The following BACH2 variants were observed in gnomAD, a reference collection of about 807,000 sequenced individuals.
BACH2 encodes the protein transcription regulator protein BACH2.
In BACH2, 5 loss-of-function variants were observed where a neutral mutation model predicts 61.8. That is an observed-to-expected ratio of 0.08 (90% CI 0.04 to 0.17). BACH2 has a LOEUF of 0.17. Ranked by LOEUF, BACH2 falls within the 10% of genes least tolerant of loss-of-function variation. The pLI, the probability that BACH2 is intolerant of heterozygous loss-of-function variation, is 1.00. For synonymous variants in BACH2, 446 were observed against 440.1 expected, an observed-to-expected ratio of 1.01 and a Z score of -0.17; for missense variants, 824 against 1,091.1, an observed-to-expected ratio of 0.76 and a Z score of 3.45.
chr6:90,039,471 G>A (rs779464256), intron 5 of BACH2, among the ~76,000 whole-genome samples: 21 of 152,050 alleles, frequency 1.4e-4, no homozygotes, highest in Non-Finnish European at 2.8e-4. Flanking sequence ...TGCAATGTCC[G>A]CGTCCCAGGT....
chr6:90,010,802 T>G (rs998918614), intron 5 of BACH2, among the ~76,000 whole-genome samples: 1 of 152,256 alleles, frequency 6.6e-6, no homozygotes, highest in African/African-American at 2.4e-5. Context: ...CTATCATATT[T>G]CTTTTTGGGT....
chr6:90,296,135 T>A (rs534557032), intron 1 of BACH2, among the ~76,000 whole-genome samples: 1 of 152,022 alleles, frequency 6.6e-6, no homozygotes, highest in South Asian at 2.1e-4. Flanking sequence ...GCCCTCCCCA[T>A]GCCTGACTTA....
chr6:90,234,973 AG>A (rs965070837), intron 3 of BACH2, among the ~76,000 whole-genome samples: 1 of 152,168 alleles, frequency 6.6e-6, no homozygotes, highest in Non-Finnish European at 1.5e-5. Context: ...CTTTGTGAAA[AG>A]TTGCCCCTCC....
intron 4 of BACH2, among the ~76,000 whole-genome samples, chr6:90,142,989 T>A (rs1359612928): frequency 6.6e-6 from 1 of 152,244 alleles, no homozygotes; most frequent in Non-Finnish European, 1.5e-5. Flanking sequence ...GTCACTCTTC[T>A]GGGTGACAGC....
At chr6:90,055,229 A>T (rs1208737168) in intron 5 of BACH2, among the ~76,000 whole-genome samples, 1 of 152,194 alleles carries the variant, frequency 6.6e-6, no homozygotes, top group Admixed American at 6.5e-5. Flanking sequence ...CTTTGAAAAA[A>T]AATTAGACGA....
chr6:90,218,292 C>T (rs1769608927), intron 3 of BACH2: 1 of 152,118 alleles, frequency 6.6e-6, no homozygotes, highest in Non-Finnish European at 1.5e-5. Flanking sequence ...ACACCTTCTT[C>T]TTTTAAACAG....
chr6:90,263,284 T>C (rs55719595), intron 2 of BACH2, among the ~76,000 whole-genome samples: 15,454 of 152,060 alleles, frequency 0.1, 1,093 homozygotes, highest in East Asian at 0.36. Flanking sequence ...AGGAAACACA[T>C]AGTTTCTCAT....
At position 89,951,208 on chromosome 6, in the gene BACH2, C is replaced by T. The variant is rs768727078; in HGVS notation, c.898G>A (p.Ala300Thr). Residue 300 changes from alanine (A) to threonine (T), a missense_variant, in exon 7 of 9, where the codon GCC (alanine) becomes ACC (threonine). Ala to Thr is a moderately conservative substitution (Grantham distance 58, BLOSUM62 0). Transcript: ENST00000257749. This position sits in a 1 kb window ranked among gnomAD's most constrained non-coding sequence, Gnocchi z 6.4. ...TLCLSGDEPD[A>T]KDRAGDVEMD... Reference sequence around the variant, plus strand: ...TCGACATCCCCCGCTCTGTCCTTGGCGTCAGGCTCATCTCCAGACAGGCAG... The same window carrying T: ...TCGACATCCCCCGCTCTGTCCTTGGTGTCAGGCTCATCTCCAGACAGGCAG... 126 of 1,613,858 alleles carry T rather than the reference C, an allele frequency of 7.8e-5. 1 individual carries two copies. The South Asian group carries it at 9.8e-4, about 13-fold the overall frequency.
intron 5 of BACH2, among the ~76,000 whole-genome samples, chr6:90,072,776 A>C (rs570575923): frequency 6.6e-6 from 1 of 152,240 alleles, no homozygotes; most frequent in East Asian, 1.9e-4. Flanking sequence ...TCAGTAAAGA[A>C]CCCTAAACAT....
At chr6:90,293,520 A>T (rs1169092495) in intron 1 of BACH2, among the ~76,000 whole-genome samples, 1 of 152,222 alleles carries the variant, frequency 6.6e-6, no homozygotes, top group Non-Finnish European at 1.5e-5. Flanking sequence ...AGCGCTAATG[A>T]ATAACTAAGT....
intron 5 of BACH2, among the ~76,000 whole-genome samples, chr6:90,049,810 T>A (rs1779951084): frequency 1.3e-5 from 2 of 152,254 alleles, no homozygotes; most frequent in Non-Finnish European, 2.9e-5. Flanking sequence ...GTACTTTTGC[T>A]GCAAACCAAA....
chr6:90,070,748 C>A (rs556502727), intron 5 of BACH2, among the ~76,000 whole-genome samples: 1 of 152,298 alleles, frequency 6.6e-6, no homozygotes, highest in Admixed American at 6.5e-5. Context: ...TTGTTTTGAG[C>A]CCAAATCTCT....
At chr6:90,128,364 C>A (rs1023919339) in intron 4 of BACH2, among the ~76,000 whole-genome samples, 10 of 152,050 alleles carry the variant, frequency 6.6e-5, no homozygotes, top group Non-Finnish European at 1.2e-4. Context: ...GGGTGGATCA[C>A]GAGGTAAAGA....
chr6:90,166,118 A>G lies in BACH2; in HGVS notation c.-162+40451T>C, dbSNP rs1045330685. Among the ~76,000 whole-genome samples, 228 of 152,240 alleles carry G rather than the reference A, an allele frequency of 1.5e-3. 4 individuals are homozygous for G. The highest frequency in any genetic ancestry group is 8.8e-4 in the Non-Finnish European group (60 of 68,038). ...AAAAGAAACTACCATCAGAGTGAAC[A>G]GGCAACCTACAAAATGGGAGAAAGT... On this transcript the variant is annotated intron_variant, in intron 4 of 8. Transcript: ENST00000257749.
chr6:90,239,394 TTC>T lies in BACH2; in HGVS notation c.-275+13117_-275+13118del, dbSNP rs1336778483. Among the ~76,000 whole-genome samples, 3 of 152,280 alleles carry T rather than the reference TTC, an allele frequency of 2.0e-5. No individual in the cohort carries two copies. In the East Asian group the frequency reaches 5.8e-4, roughly 29 times the overall value. Reference sequence around the variant, plus strand: ...AACAGCTGAGAAGAGGCTATGAACTTTCTGTTTGAAGGTCAACTAGAAAACAA... The same window carrying T: ...AACAGCTGAGAAGAGGCTATGAACTTTGTTTGAAGGTCAACTAGAAAACAA... On this transcript the variant is annotated intron_variant, in intron 3 of 8. Coordinates refer to ENST00000257749, the MANE Select transcript of BACH2 (RefSeq NM_021813.4).
intron 1 of BACH2, among the ~76,000 whole-genome samples, chr6:90,278,106 C>T (rs1205274707): frequency 2.6e-5 from 4 of 152,152 alleles, no homozygotes; most frequent in South Asian, 2.1e-4. Context: ...AAATAATTTT[C>T]GGAAGAGTGT....
intron 2 of BACH2, among the ~76,000 whole-genome samples, chr6:90,260,280 A>G (rs1359474590): frequency 6.6e-6 from 1 of 152,032 alleles, no homozygotes; most frequent in Non-Finnish European, 1.5e-5. Context: ...CATTTTTTAA[A>G]TTTATCTTTT....
At chr6:90,102,302 C>T (rs948594054) in intron 4 of BACH2, among the ~76,000 whole-genome samples, 1 of 151,884 alleles carries the variant, frequency 6.6e-6, no homozygotes, top group Non-Finnish European at 1.5e-5. Context: ...TGGTGAGACA[C>T]GAATCTATTT....
chr6:89,949,219 G>A (rs549503775), intron 7 of BACH2, among the ~76,000 whole-genome samples: 1 of 152,306 alleles, frequency 6.6e-6, no homozygotes, highest in African/African-American at 2.4e-5. Context: ...GGCCTCAGGA[G>A]GACCATGTTT....
Sources: allele counts gnomAD v4.1 joint callset (sites outside exome capture counted in the v4.1 genomes callset), GRCh38; gene constraint gnomAD v4.1.1; non-coding constraint Gnocchi (gnomAD v3.1); transcripts MANE v1.5; gene names NCBI Gene and HGNC (gene_info 2026-07-23, HGNC 2026-07-21).